MATR3: variants seen among roughly 807,000 people sequenced by gnomAD.
The protein encoded by MATR3 is matrin-3.
In MATR3, 4 loss-of-function variants were observed where a neutral mutation model predicts 85.5. That is an observed-to-expected ratio of 0.05 (90% confidence interval 0.02 to 0.11). MATR3 has a LOEUF of 0.11. MATR3 is among the 10% of genes least tolerant of loss of function. The pLI, the probability that MATR3 is intolerant of heterozygous loss-of-function variation, is 1.00. For missense variants in MATR3, 685 were observed against 1,016.1 expected (o/e 0.67, Z 4.43); for synonymous variants, 336 against 343.1 (o/e 0.98, Z 0.23).
intron 1 of MATR3, among the ~76,000 whole-genome samples, chr5:139,296,994 A>T (rs1484729532): frequency 2.0e-5 from 3 of 152,144 alleles, no homozygotes; most frequent in Non-Finnish European, 2.9e-5. Context: ...AACATGGCGA[A>T]ACCCCATTTC....
At chr5:139,298,006 C>G (rs762169955) in intron 1 of MATR3, among the ~76,000 whole-genome samples, 1 of 152,080 alleles carries the variant, frequency 6.6e-6, no homozygotes, top group Non-Finnish European at 1.5e-5. Flanking sequence ...TGGTAAATGT[C>G]TTAGTGGGCC....
chr5:139,325,263 AT>A, intron 12 of MATR3, 176 bp from the exon 13 acceptor site: 1 of 1,549,848 alleles, frequency 6.5e-7, no homozygotes, highest in Non-Finnish European at 8.7e-7. Context: ...CTGCAGGATA[AT>A]TGTTGCAGAG....
At chr5:139,323,137 A>G (rs892440524) in intron 12 of MATR3, among the ~76,000 whole-genome samples, 170 bp downstream of exon 12, 1 of 152,248 alleles carries the variant, frequency 6.6e-6, no homozygotes, top group Non-Finnish European at 1.5e-5. Context: ...AAATAATTAA[A>G]TAAGACATTT....
rs774066454 is a variant in MATR3 at position 139,331,493 on chromosome 5, A to G, written c.*2098A>G. On this transcript the variant is annotated 3_prime_UTR_variant, in exon 15 of 15. Transcript: ENST00000394805. ...TGAGAGCATTTAGAAATCAGAAATTATAATAAGCTGTTAGTGATAAATCTG... is the reference window on the plus strand; with the variant it reads ...TGAGAGCATTTAGAAATCAGAAATTGTAATAAGCTGTTAGTGATAAATCTG... 4.2e-5 allele frequency: 19 copies of G among 454,022 alleles called. No homozygotes were observed. The highest frequency in any genetic ancestry group is 2.1e-4 in the East Asian group (3 of 14,414). The allele number at this position is 454,022 out of a possible 1,614,324, so 28.1% of individuals were successfully genotyped here. A position where few individuals can be genotyped will look rare whatever the true frequency, so the allele number is the denominator to read the frequency against.
intron 3 of MATR3, chr5:139,280,170 A>G (rs1467151869): frequency 6.6e-6 from 1 of 152,248 alleles, no homozygotes; most frequent in Non-Finnish European, 1.5e-5. Flanking sequence ...TATAGTTCTA[A>G]TAGAACATTA....
intron 2 of MATR3, among the ~76,000 whole-genome samples, chr5:139,276,661 G>A (rs902503246): frequency 6.6e-6 from 1 of 152,122 alleles, no homozygotes; most frequent in African/African-American, 2.4e-5. Context: ...AAAGCTAATG[G>A]GAAGAGGGGG....
rs765425596 is a variant in MATR3 at position 139,322,967 on chromosome 5, G to A, written c.2148G>A (p.Lys716=). The A allele has an allele frequency of 6.2e-7, 1 of 1,613,824 alleles. No homozygotes were observed. Among genetic ancestry groups the A allele is most frequent in the Non-Finnish European group, 8.5e-7 (1 of 1,179,930 alleles). The change falls in exon 12 of 15, where the codon AAG becomes AAA. Residue 716 remains lysine (K), a splice_region_variant and synonymous_variant. Transcript: ENST00000394805. ...ASAAAKKKLK[K]VDKIEELDQE... is the part of the protein sequence containing the mutation. ...CAGCAGCAAAGAAAAAGCTTAAAAA[G>A]GTAAAGAAAGATACATTGATTTGTT...
chr5:139,285,871 GA>G (rs200569023), intron 3 of MATR3, among the ~76,000 whole-genome samples: 22 of 150,106 alleles, frequency 1.5e-4, no homozygotes, highest in African/African-American at 5.1e-4. Flanking sequence ...TTAGTCAGAG[GA>G]AAAAAAAATG....
At chr5:139,323,690 G>C (rs1271560229) in intron 12 of MATR3, among the ~76,000 whole-genome samples, 14 of 152,120 alleles carry the variant, frequency 9.2e-5, no homozygotes, top group Admixed American at 9.2e-4. Context: ...ATCAGTTGAG[G>C]CCAGGAGTTC....
rs1445898851 is a variant in MATR3 at position 139,293,766 on chromosome 5, G to T, written c.-217G>T. On this transcript the variant is annotated 5_prime_UTR_variant, in exon 1 of 15. Transcript: ENST00000394805. ...GGAGTCTCCGCGTCCCGCTCGCTGG[G>T]AGAGAGGTACCTCTCCTTTTCCCTC... is the stretch of plus-strand genomic sequence containing the variant. 2.6e-6 allele frequency: 1 copy of T among 390,096 alleles called. No homozygotes were observed. Among genetic ancestry groups the T allele is most frequent in the East Asian group, 3.6e-5 (1 of 27,488 alleles). 24.2% of individuals were successfully genotyped at this position (390,096 alleles called of 1,614,324 possible).
chr5:139,321,628 C>A (rs1296657649), intron 9 of MATR3, among the ~76,000 whole-genome samples: 3 of 151,962 alleles, frequency 2.0e-5, no homozygotes, highest in African/African-American at 7.3e-5. Context: ...ACAAAAAATA[C>A]AAAAATTAGC....
At chr5:139,301,038 C>A (rs184542616) in intron 1 of MATR3, among the ~76,000 whole-genome samples, 54 of 152,266 alleles carry the variant, frequency 3.5e-4, no homozygotes, top group Admixed American at 2.5e-3. Flanking sequence ...TGGTCTCGAA[C>A]TTGTGGCCTT....
At chr5:139,293,829 CG>C in intron 1 of MATR3, 24 bp downstream of exon 1, 1 of 425,058 alleles carries the variant, frequency 2.4e-6, no homozygotes, top group Middle Eastern at 6.0e-4. Flanking sequence ...GGGTAAGAGT[CG>C]GGGTCGGGTG....
chr5:139,301,169 C>T (rs1754420759), intron 1 of MATR3, among the ~76,000 whole-genome samples: 1 of 152,084 alleles, frequency 6.6e-6, no homozygotes, highest in Non-Finnish European at 1.5e-5. Context: ...TATTTCCCAC[C>T]ACCCTTTTTG....
At chr5:139,300,028 T>C (rs1327347397) in intron 1 of MATR3, 1 of 151,920 alleles carries the variant, frequency 6.6e-6, no homozygotes, top group Non-Finnish European at 1.5e-5. Context: ...TTTCCACTTT[T>C]ACTAGAATTA....
chr5:139,295,723 A>T (rs752264823), intron 1 of MATR3, among the ~76,000 whole-genome samples: 47 of 152,310 alleles, frequency 3.1e-4, no homozygotes, highest in Non-Finnish European at 4.3e-4. Flanking sequence ...ACGTAGTTCA[A>T]ATCCCTAATT....
At chr5:139,318,119 G>T (rs1561939472) in intron 7 of MATR3, among the ~76,000 whole-genome samples, 1 of 152,080 alleles carries the variant, frequency 6.6e-6, no homozygotes, top group Non-Finnish European at 1.5e-5. Context: ...TGGCAACACT[G>T]TTTTTTGGGG....
chr5:139,308,001 C>T lies in MATR3; in HGVS notation c.586C>T (p.Leu196Phe). The change falls in exon 2 of 15, where the codon CTC becomes TTC. Residue 196 changes from leucine (L) to phenylalanine (F), a missense_variant. By Grantham distance (22) the Leu-to-Phe change is conservative. This residue lies in a region of MATR3 where 223 missense variants were observed against 334.4 expected (regional missense o/e 0.67). Transcript: ENST00000394805. ...RDSFDDRGPS[L>F]NPVLDYDHGS... ...TAGTTTTGATGATCGTGGTCCTAGT[C>T]TCAACCCAGTGCTTGATTATGACCA... 1.9e-6 allele frequency: 3 copies of T among 1,614,150 alleles called. No individual in the cohort carries two copies. The highest frequency in any genetic ancestry group is 2.5e-6 in the Non-Finnish European group (3 of 1,180,034).
chr5:139,317,547 A>T lies in MATR3; in HGVS notation c.1183-49A>T, dbSNP rs569352217. ...AGTCCTAATGCGTAATTGGTTTCAT[A>T]TTGCTTTAAAGAGACTTAATTGCTT... On this transcript the variant is annotated intron_variant, in intron 6 of 14. Transcript: ENST00000394805. The T allele has an allele frequency of 3.1e-4, 496 of 1,600,184 alleles. 1 individual carries two copies. In the African/African-American group the frequency reaches 5.9e-3, roughly 19 times the overall value.
Sources: allele counts gnomAD v4.1 joint callset (sites outside exome capture counted in the v4.1 genomes callset), GRCh38; gene constraint gnomAD v4.1.1; regional missense constraint gnomAD v4.1.1; transcripts MANE v1.5; gene names NCBI Gene and HGNC (gene_info 2026-07-23, HGNC 2026-07-21).